The following DPY19L3 variants were observed in gnomAD, a reference collection of about 807,000 sequenced individuals.
The protein encoded by DPY19L3 is dpy-19 like C-mannosyltransferase 3.
DPY19L3 carries 51 observed loss-of-function variants against 92.3 expected under a neutral mutation model. That is an observed-to-expected ratio of 0.55 (90% CI 0.44 to 0.70). The LOEUF (loss-of-function observed/expected upper bound fraction) is 0.70, where lower values mean the gene tolerates loss of function less well. DPY19L3 is among the 30% of genes least tolerant of loss of function. The pLI is 0.00. For synonymous variants in DPY19L3, 309 were observed against 315.2 expected, an observed-to-expected ratio of 0.98 and a Z score of 0.21; for missense variants, 706 against 855.9, an observed-to-expected ratio of 0.82 and a Z score of 2.18.
In DPY19L3 at chr19:32,477,665, C is replaced by G. The variant is rs746032082; in HGVS notation, c.1830+11C>G. The G allele has an allele frequency of 3.1e-6, 5 of 1,613,614 alleles. No individual in the cohort carries two copies. In the African/African-American group the frequency reaches 6.7e-5, roughly 22 times the overall value. ...GAGCGGACCAGAGCGGTGAGGCTCC[C>G]CAGTGCCTCCCCTCGCTTCTTGTGG... is the stretch of plus-strand genomic sequence containing the variant. On this transcript the variant is annotated intron_variant, in intron 17 of 18. Coordinates refer to ENST00000392250, the MANE Select transcript of DPY19L3 (RefSeq NM_001172774.2).
chr19:32,436,648 C>A, intron 5 of DPY19L3, 81 bp downstream of exon 5: 1 of 1,202,592 alleles, frequency 8.3e-7, no homozygotes, highest in Admixed American at 2.8e-5. Flanking sequence ...TCACATCGTT[C>A]TTTCTGATCT....
At chr19:32,463,296 T>A in intron 12 of DPY19L3, 70 bp from the exon 13 acceptor site, 1 of 1,541,022 alleles carries the variant, frequency 6.5e-7, no homozygotes, top group East Asian at 2.3e-5. Context: ...TCTTGTATCT[T>A]CTTCTTTTAC....
intron 7 of DPY19L3, 31 bp from the exon 8 acceptor site, chr19:32,439,745 T>A (rs762727356): frequency 1.9e-6 from 3 of 1,606,902 alleles, no homozygotes; most frequent in Non-Finnish European, 2.5e-6. Context: ...ACTAGAGACA[T>A]GTAAATTATA....
At chr19:32,450,806 T>C (rs1969676225) in intron 8 of DPY19L3, among the ~76,000 whole-genome samples, 1 of 152,188 alleles carries the variant, frequency 6.6e-6, no homozygotes, top group Non-Finnish European at 1.5e-5. Flanking sequence ...CACAACTCTA[T>C]GAATATACCA....
chr19:32,440,425 A>G (rs909310897), intron 8 of DPY19L3, among the ~76,000 whole-genome samples: 5 of 152,218 alleles, frequency 3.3e-5, no homozygotes, highest in Non-Finnish European at 5.9e-5. Flanking sequence ...TTCATGTGCA[A>G]AAATATGATT....
At chr19:32,452,953 C>T (rs568234347) in intron 8 of DPY19L3, among the ~76,000 whole-genome samples, 192 bp from the exon 9 acceptor site, 2 of 151,936 alleles carry the variant, frequency 1.3e-5, no homozygotes, top group Admixed American at 1.3e-4. Flanking sequence ...TGATCCCACC[C>T]GCCTCGGCCT....
intron 15 of DPY19L3, chr19:32,468,379 T>C (rs1970258093): frequency 2.1e-5 from 21 of 1,018,008 alleles, no homozygotes; most frequent in Non-Finnish European, 2.5e-5. Context: ...TAACGGATTG[T>C]GAACTTTCTC....
At chr19:32,413,396 G>GTA (rs892300923) in intron 3 of DPY19L3, among the ~76,000 whole-genome samples, 17 of 151,784 alleles carry the variant, frequency 1.1e-4, no homozygotes, top group African/African-American at 4.1e-4. Context: ...TATGGGTACA[G>GTA]TATATATATC....
chr19:32,458,565 C>G, intron 12 of DPY19L3, 56 bp downstream of exon 12: 1 of 1,543,144 alleles, frequency 6.5e-7, no homozygotes, highest in Non-Finnish European at 8.7e-7. Context: ...TTCCATGTTG[C>G]AGAAAAATTG....
At chr19:32,480,293 T>C in intron 17 of DPY19L3, 106 bp from the exon 18 acceptor site, 1 of 1,286,236 alleles carries the variant, frequency 7.8e-7, no homozygotes, top group South Asian at 1.5e-5. Flanking sequence ...GAGAGCACCT[T>C]GGGTGTTAGG....
intron 3 of DPY19L3, among the ~76,000 whole-genome samples, chr19:32,424,332 A>AG (rs397754011): frequency 6.6e-6 from 1 of 150,768 alleles, no homozygotes; most frequent in Admixed American, 6.6e-5. Context: ...AAAAAAAAAA[A>AG]GAAATAAATA....
At chr19:32,439,262 T>G in intron 7 of DPY19L3, 27 bp downstream of exon 7, 1 of 1,599,874 alleles carries the variant, frequency 6.3e-7, no homozygotes, top group Non-Finnish European at 8.5e-7. Flanking sequence ...TTTCATATAT[T>G]TTAATCCCCC....
Position 32,463,444 on chromosome 19 carries a change from A to G in DPY19L3, c.1401A>G (p.Leu467=), listed in dbSNP as rs761613491. The G allele has an allele frequency of 2.5e-6, 4 of 1,613,842 alleles. No individual in the cohort carries two copies. The Admixed American group carries it at 5.0e-5, about 20-fold the overall frequency. The change falls in exon 13 of 19, where the codon TTA becomes TTG. Residue 467 remains leucine (L), a synonymous_variant. Transcript: ENST00000392250. ...TGAAACCAGAAACTGCCTACAACTT[A>G]ATACATACCATTCTGTTTGGATTCT... The part of the protein sequence containing the change: ...VDLKPETAYN[L]IHTILFGFLA...
At chr19:32,414,290 G>A (rs954909032) in intron 3 of DPY19L3, among the ~76,000 whole-genome samples, 3 of 151,950 alleles carry the variant, frequency 2.0e-5, no homozygotes, top group South Asian at 4.2e-4. Flanking sequence ...GCATGGTGGC[G>A]GGCACCTGTA....
chr19:32,453,512 T>C (rs1396015502), intron 9 of DPY19L3, among the ~76,000 whole-genome samples: 1 of 152,188 alleles, frequency 6.6e-6, no homozygotes, highest in Non-Finnish European at 1.5e-5. Context: ...TTACCTTCAA[T>C]GTGGGGATCA....
chr19:32,416,114 A>G (rs1183937102), intron 3 of DPY19L3, among the ~76,000 whole-genome samples: 1 of 152,204 alleles, frequency 6.6e-6, no homozygotes, highest in Non-Finnish European at 1.5e-5. Flanking sequence ...GAGAAGGTAG[A>G]AGAGAGGAGA....
chr19:32,426,308 C>T (rs978135314), intron 3 of DPY19L3, among the ~76,000 whole-genome samples: 2 of 152,226 alleles, frequency 1.3e-5, no homozygotes, highest in African/African-American at 2.4e-5. Context: ...GAGCATTAGA[C>T]TTTCCCCGTA....
At chr19:32,461,977 G>A (rs1970053996) in intron 12 of DPY19L3, among the ~76,000 whole-genome samples, 2 of 152,122 alleles carry the variant, frequency 1.3e-5, no homozygotes, top group African/African-American at 4.8e-5. Context: ...GTGGATGCCT[G>A]AAACCTCGGA....
intron 16 of DPY19L3, among the ~76,000 whole-genome samples, chr19:32,469,507 AAAG>A (rs1358961180): frequency 2.2e-4 from 34 of 151,850 alleles, no homozygotes; most frequent in Admixed American, 7.9e-4. Flanking sequence ...AAAAAAAAAA[AAAG>A]AAAGAAAAAA....
Sources: allele counts gnomAD v4.1 joint callset (sites outside exome capture counted in the v4.1 genomes callset), GRCh38; gene constraint gnomAD v4.1.1; transcripts MANE v1.5; gene names NCBI Gene and HGNC (gene_info 2026-07-23, HGNC 2026-07-21).